The following TASP1 variants were observed in gnomAD, a reference collection of about 807,000 sequenced individuals.
TASP1 encodes the protein taspase 1.
Under a neutral mutation model 56.6 loss-of-function variants are expected in TASP1, and 16 were observed. The ratio of observed to expected loss-of-function variants is 0.28; its 90% CI spans 0.19 to 0.43. The LOEUF (loss-of-function observed/expected upper bound fraction) is 0.43, where lower values mean the gene tolerates loss of function less well. Ranked by LOEUF, TASP1 falls within the 20% of genes least tolerant of loss-of-function variation. The pLI is 1.00. For synonymous variants in TASP1, 179 were observed against 184.2 expected, an observed-to-expected ratio of 0.97 and a Z score of 0.23; for missense variants, 393 against 511.6, an observed-to-expected ratio of 0.77 and a Z score of 2.24.
At chr20:13,367,387 G>T in the TASP1 span, among the ~76,000 whole-genome samples, 1 of 152,152 alleles carries the variant, frequency 6.6e-6, no homozygotes, top group Non-Finnish European at 1.5e-5. Context: ...CATCATAATA[G>T]TTGCTCCCCC....
At chr20:13,340,481 T>G in the TASP1 span, among the ~76,000 whole-genome samples, 1 of 147,324 alleles carries the variant, frequency 6.8e-6, no homozygotes, top group East Asian at 2.0e-4. Flanking sequence ...ATTATTCAAG[T>G]GTGTTTGCTT....
At chr20:13,201,975 G>A in the TASP1 span, among the ~76,000 whole-genome samples, 6 of 152,006 alleles carry the variant, frequency 3.9e-5, no homozygotes, top group African/African-American at 9.7e-5. Flanking sequence ...GGCTGGTCTC[G>A]AACTCCTGAC....
the TASP1 span, among the ~76,000 whole-genome samples, chr20:13,113,638 G>T: frequency 3.3e-5 from 5 of 152,136 alleles, no homozygotes; most frequent in African/African-American, 7.2e-5. Flanking sequence ...TCAAATCCTG[G>T]CATCACCACC....
At chr20:13,152,803 C>A in the TASP1 span, among the ~76,000 whole-genome samples, 2 of 152,234 alleles carry the variant, frequency 1.3e-5, no homozygotes, top group Admixed American at 1.3e-4. Context: ...ACAAGATGCC[C>A]CCTGTTCAAC....
chr20:13,193,635 C>T, the TASP1 span, among the ~76,000 whole-genome samples: 1 of 152,180 alleles, frequency 6.6e-6, no homozygotes, highest in African/African-American at 2.4e-5. Flanking sequence ...GATTTCTCAC[C>T]TAAGAGAAAG....
chr20:13,472,803 T>A (rs1483512087), intron 11 of TASP1, among the ~76,000 whole-genome samples: 2 of 151,102 alleles, frequency 1.3e-5, no homozygotes, highest in African/African-American at 4.9e-5. Flanking sequence ...TCACACCAGT[T>A]AGAACAGCGA....
the TASP1 span, among the ~76,000 whole-genome samples, chr20:13,287,986 C>T: frequency 6.6e-6 from 1 of 152,168 alleles, no homozygotes; most frequent in Non-Finnish European, 1.5e-5. Context: ...GAAGGCTTTG[C>T]TCACATGTCT....
At chr20:13,496,934 C>G (rs933702158) in intron 10 of TASP1, among the ~76,000 whole-genome samples, 6 of 152,110 alleles carry the variant, frequency 3.9e-5, no homozygotes, top group African/African-American at 1.4e-4. Flanking sequence ...CTCTTCTATT[C>G]CTAAGGAAGC....
the TASP1 span, among the ~76,000 whole-genome samples, chr20:13,303,612 A>G: frequency 6.6e-6 from 1 of 152,172 alleles, no homozygotes; most frequent in African/African-American, 2.4e-5. Flanking sequence ...AGGGCTTAAG[A>G]GTTTGAGGGT....
chr20:13,432,661 G>T (rs1883180841), intron 12 of TASP1, among the ~76,000 whole-genome samples: 1 of 152,042 alleles, frequency 6.6e-6, no homozygotes, highest in South Asian at 2.1e-4. Flanking sequence ...TCATAAACTG[G>T]CACTTCACAC....
chr20:13,404,345 G>C (rs144328042), intron 13 of TASP1, among the ~76,000 whole-genome samples: 1,610 of 152,356 alleles, frequency 0.011, 22 homozygotes, highest in Middle Eastern at 0.024. Flanking sequence ...GCTCACACTT[G>C]TAATCTCAGT....
chr20:13,383,822 T>C, the TASP1 span, among the ~76,000 whole-genome samples: 1 of 152,206 alleles, frequency 6.6e-6, no homozygotes, highest in African/African-American at 2.4e-5. Context: ...ATTTACAGAA[T>C]TGTGGGCAAA....
chr20:13,180,128 A>G, the TASP1 span, among the ~76,000 whole-genome samples: 1 of 152,220 alleles, frequency 6.6e-6, no homozygotes, highest in Non-Finnish European at 1.5e-5. Context: ...AGAAAAATCT[A>G]GTAATGATTT....
chr20:13,542,292 CT>C (rs1201169905), intron 8 of TASP1, among the ~76,000 whole-genome samples: 1 of 152,012 alleles, frequency 6.6e-6, no homozygotes, highest in Non-Finnish European at 1.5e-5. Context: ...AGATACAGGG[CT>C]TTACATGATA....
chr20:13,549,929 AG>A (rs1197207778), intron 8 of TASP1, among the ~76,000 whole-genome samples: 1 of 152,142 alleles, frequency 6.6e-6, no homozygotes, highest in African/African-American at 2.4e-5. Flanking sequence ...GACAAACCAC[AG>A]GTTACTTCCG....
At chr20:13,132,051 C>T in the TASP1 span, among the ~76,000 whole-genome samples, 9 of 152,080 alleles carry the variant, frequency 5.9e-5, no homozygotes, top group Non-Finnish European at 1.2e-4. Flanking sequence ...TCTGACCTAT[C>T]GGCATAGCCC....
At chr20:13,122,835 C>T in the TASP1 span, among the ~76,000 whole-genome samples, 3 of 152,122 alleles carry the variant, frequency 2.0e-5, no homozygotes, top group African/African-American at 7.2e-5. Context: ...GCCACCCCTC[C>T]CCATAAGGAT....
In TASP1 at chr20:13,426,548, G is replaced by C. The variant is rs140888556; in HGVS notation, c.1096+8496C>G. Among the ~76,000 whole-genome samples the C allele has an allele frequency of 4.6e-4, 70 of 152,138 alleles. 1 individual carries two copies. In the East Asian group the frequency reaches 0.013, roughly 29 times the overall value. ...GAGTATATTAGTGATACAATATATA[G>C]AGATATGTTCATGATTTAAAGGAAA... On this transcript the variant is annotated intron_variant, in intron 12 of 13. Transcript: ENST00000337743.
chr20:13,629,302 T>C (rs566308605), intron 2 of TASP1, among the ~76,000 whole-genome samples: 36 of 143,688 alleles, frequency 2.5e-4, no homozygotes, highest in Non-Finnish European at 1.5e-5. Context: ...AGGTGGAGGC[T>C]GCAGTGAGCC....
Sources: gnomAD v4.1 joint callset for allele counts (sites outside exome capture counted in the v4.1 genomes callset) on GRCh38, gnomAD v4.1.1 for gene constraint, MANE v1.5 for transcripts, NCBI Gene and HGNC (gene_info 2026-07-23, HGNC 2026-07-21) for gene names.